Variants in PRKN observed in about 807,000 individuals in gnomAD.
PRKN encodes the protein E3 ubiquitin-protein ligase parkin.
In PRKN, 56 loss-of-function variants were observed where a neutral mutation model predicts 59.5. The observed-to-expected ratio is 0.94, with a 90% CI of 0.76 to 1.18. PRKN has a LOEUF of 1.18. Ranked by LOEUF, PRKN falls within the 50% of genes most tolerant of loss-of-function variation. The probability of loss-of-function intolerance (pLI) is 0.00; values close to 1 mark genes in which losing one functional copy is unlikely to be tolerated. For synonymous variants in PRKN, 250 were observed against 222.1 expected, an observed-to-expected ratio of 1.13 and a Z score of -1.12; for missense variants, 657 against 596.4, an observed-to-expected ratio of 1.10 and a Z score of -1.06.
rs1780630401 is a variant in PRKN, at chr6:161,566,051, AC to A, written c.933+3303del. On this transcript the variant is annotated intron_variant, in intron 8 of 11. Coordinates refer to ENST00000366898, the MANE Select transcript of PRKN (RefSeq NM_004562.3). The surrounding 1 kb of genome is among the most constrained non-coding windows in gnomAD (Gnocchi z 4.1). Reference sequence around the variant, plus strand: ...CTGAATCATTACCATCAGTACATAGACATGCTGCAATTTTTCCCATTAAGAA... The same window carrying A: ...CTGAATCATTACCATCAGTACATAGAATGCTGCAATTTTTCCCATTAAGAA... 2.0e-5 allele frequency among the ~76,000 whole-genome samples: 3 copies of A among 152,142 alleles called. No individual in the cohort carries two copies. Among genetic ancestry groups the A allele is most frequent in the African/African-American group, 7.2e-5 (3 of 41,432 alleles).
intron 9 of PRKN, among the ~76,000 whole-genome samples, chr6:161,504,645 G>C (rs1198769591): frequency 6.6e-6 from 1 of 151,014 alleles, no homozygotes; most frequent in Non-Finnish European, 1.5e-5. Context: ...TCTAGCATTA[G>C]GTATATCTCC....
intron 7 of PRKN, among the ~76,000 whole-genome samples, chr6:161,721,682 G>A (rs1207264433): frequency 6.6e-6 from 1 of 152,132 alleles, no homozygotes; most frequent in African/African-American, 2.4e-5. Context: ...CCGTGCTGGG[G>A]CTGCGTGGAT....
intron 4 of PRKN, among the ~76,000 whole-genome samples, chr6:162,150,035 T>C (rs1782199851): frequency 6.6e-6 from 1 of 152,218 alleles, no homozygotes; most frequent in Admixed American, 6.5e-5. Context: ...CAGATCTCAC[T>C]TCTTCACATG....
intron 9 of PRKN, among the ~76,000 whole-genome samples, chr6:161,489,242 A>AAC (rs386409160): frequency 3.3e-5 from 5 of 151,660 alleles, no homozygotes; most frequent in Non-Finnish European, 7.4e-5. Flanking sequence ...GAAAAAAAAA[A>AAC]ACATGGGCAA....
At chr6:162,665,558 T>G (rs1779069654) in intron 1 of PRKN, among the ~76,000 whole-genome samples, 1 of 152,126 alleles carries the variant, frequency 6.6e-6, no homozygotes, top group Non-Finnish European at 1.5e-5. Flanking sequence ...GGAAAAATAT[T>G]CTACCCTCAT....
At chr6:162,564,356 A>G (rs1402525575) in intron 1 of PRKN, among the ~76,000 whole-genome samples, 1 of 149,664 alleles carries the variant, frequency 6.7e-6, no homozygotes, top group Non-Finnish European at 1.5e-5. Flanking sequence ...AAAAAAAAGA[A>G]CAAAAACAAA....
chr6:161,934,839 A>T (rs1326579935), intron 6 of PRKN, among the ~76,000 whole-genome samples: 2 of 152,152 alleles, frequency 1.3e-5, no homozygotes, highest in Non-Finnish European at 1.5e-5. Flanking sequence ...AAATTTAGAT[A>T]AAAAATAGAA....
chr6:162,554,104 C>A (rs1251326483), intron 1 of PRKN, among the ~76,000 whole-genome samples: 2 of 151,970 alleles, frequency 1.3e-5, no homozygotes, highest in Admixed American at 6.6e-5. Context: ...TGAGAGTGTT[C>A]GATGAGAATA....
intron 7 of PRKN, among the ~76,000 whole-genome samples, chr6:161,736,719 G>A (rs1787979701): frequency 1.3e-5 from 2 of 152,196 alleles, no homozygotes; most frequent in Admixed American, 6.5e-5. Context: ...AGAATGTCAT[G>A]TAAGATATAC....
At chr6:161,715,454 G>A (rs1786934257) in intron 7 of PRKN, among the ~76,000 whole-genome samples, 1 of 151,978 alleles carries the variant, frequency 6.6e-6, no homozygotes, top group Admixed American at 6.6e-5. Flanking sequence ...TTTTTACTCA[G>A]TGAATATGTA....
chr6:161,921,247 C>G (rs1266540956), intron 6 of PRKN, among the ~76,000 whole-genome samples: 1 of 152,142 alleles, frequency 6.6e-6, no homozygotes, highest in Non-Finnish European at 1.5e-5. Context: ...ATCTTCCACC[C>G]CCATATATTG....
intron 1 of PRKN, among the ~76,000 whole-genome samples, chr6:162,452,309 C>T (rs1790663876): frequency 6.6e-6 from 1 of 151,976 alleles, no homozygotes. Context: ...CCACAAGAAA[C>T]AGTAAAAGCA....
chr6:162,397,586 A>T (rs1431728197), intron 2 of PRKN, among the ~76,000 whole-genome samples: 2 of 152,114 alleles, frequency 1.3e-5, no homozygotes, highest in African/African-American at 4.8e-5. Flanking sequence ...AACTATAATA[A>T]ATGAAAAGCT....
intron 6 of PRKN, among the ~76,000 whole-genome samples, chr6:161,949,625 T>G (rs1779911952): frequency 6.6e-6 from 1 of 152,232 alleles, no homozygotes; most frequent in African/African-American, 2.4e-5. Context: ...AAATTCTTTG[T>G]CTACTTTTAC....
chr6:162,295,089 T>C (rs1781605225), intron 2 of PRKN, among the ~76,000 whole-genome samples: 1 of 152,222 alleles, frequency 6.6e-6, no homozygotes, highest in African/African-American at 2.4e-5. Context: ...AGGCAAGTTG[T>C]ATTTCAGAAT....
intron 8 of PRKN, among the ~76,000 whole-genome samples, chr6:161,568,515 C>G (rs995989036): frequency 6.6e-6 from 1 of 152,190 alleles, no homozygotes; most frequent in Non-Finnish European, 1.5e-5. Flanking sequence ...ATGGCGTGAA[C>G]CTGGGAGGCG....
chr6:162,613,421 A>G (rs1782272394), intron 1 of PRKN, among the ~76,000 whole-genome samples: 1 of 152,232 alleles, frequency 6.6e-6, no homozygotes, highest in Admixed American at 6.5e-5. Flanking sequence ...TCTTGTTGAC[A>G]AACCATAGAT....
intron 11 of PRKN, among the ~76,000 whole-genome samples, chr6:161,350,990 TTATATTTAAAA>T: frequency 1.9e-5 from 1 of 52,072 alleles, no homozygotes; most frequent in African/African-American, 9.2e-5. Context: ...TTTTATATAT[TTATATTTAAAA>T]TATATATAAA....
intron 6 of PRKN, among the ~76,000 whole-genome samples, chr6:161,852,137 A>G (rs1583247515): frequency 6.6e-6 from 1 of 151,850 alleles, no homozygotes; most frequent in African/African-American, 2.4e-5. Context: ...ATAGCCACAG[A>G]GGGAATTTTT....
Sources: gnomAD v4.1 joint callset for allele counts (sites outside exome capture counted in the v4.1 genomes callset) on GRCh38, gnomAD v4.1.1 for gene constraint, Gnocchi (gnomAD v3.1) non-coding constraint, MANE v1.5 for transcripts, NCBI Gene and HGNC (gene_info 2026-07-23, HGNC 2026-07-21) for gene names.